The following NAV2 variants were observed in gnomAD, a reference collection of about 807,000 sequenced individuals.
NAV2 encodes helicase, APC down-regulated 1.
NAV2 carries 54 observed loss-of-function variants against 223.2 expected under a neutral mutation model. That is an observed-to-expected ratio of 0.24 (90% CI 0.19 to 0.30). NAV2 has a LOEUF of 0.30. NAV2 is among the 10% of genes least tolerant of loss of function. The pLI is 1.00. For synonymous variants in NAV2, 1,279 were observed against 1,239.3 expected, an observed-to-expected ratio of 1.03 and a Z score of -0.67; for missense variants, 2,806 against 3,147.5, an observed-to-expected ratio of 0.89 and a Z score of 2.60.
intron 1 of NAV2, among the ~76,000 whole-genome samples, chr11:19,393,912 T>TTTTC (rs1849347311): frequency 6.6e-6 from 1 of 150,712 alleles, no homozygotes; most frequent in Non-Finnish European, 1.5e-5. Context: ...TTTTCTTTTT[T>TTTTC]TTTTTTTAGG....
intron 1 of NAV2, among the ~76,000 whole-genome samples, chr11:19,450,187 T>C (rs931050074): frequency 6.6e-6 from 1 of 152,126 alleles, no homozygotes; most frequent in Non-Finnish European, 1.5e-5. Context: ...TACACATGGA[T>C]TTTTAAAACC....
intron 11 of NAV2, among the ~76,000 whole-genome samples, chr11:20,002,439 A>C (rs1436197681): frequency 6.6e-6 from 1 of 152,102 alleles, no homozygotes; most frequent in East Asian, 1.9e-4. Flanking sequence ...AGTCAGGGAG[A>C]TGTCAGTGCG....
intron 1 of NAV2, among the ~76,000 whole-genome samples, chr11:19,439,320 G>A (rs1321613742): frequency 6.6e-6 from 1 of 152,118 alleles, no homozygotes; most frequent in Non-Finnish European, 1.5e-5. Context: ...AGGGTAGGAG[G>A]AGAGAGAGGA....
chr11:19,496,603 A>G (rs941116283), intron 1 of NAV2, among the ~76,000 whole-genome samples: 3 of 152,198 alleles, frequency 2.0e-5, no homozygotes, highest in African/African-American at 7.2e-5. Context: ...CTAGCCTCCA[A>G]AGTCACACTA....
At chr11:19,872,743 G>T (rs551044982) in intron 4 of NAV2, among the ~76,000 whole-genome samples, 1 of 152,348 alleles carries the variant, frequency 6.6e-6, no homozygotes, top group Non-Finnish European at 1.5e-5. Context: ...AGAGCCACAG[G>T]GAGCCTTTGT....
At chr11:19,929,560 A>G (rs144876917) in intron 6 of NAV2, among the ~76,000 whole-genome samples, 7 of 152,294 alleles carry the variant, frequency 4.6e-5, no homozygotes, top group Admixed American at 6.5e-5. Context: ...AGTCGTAATG[A>G]GTAGCCTTGA....
At chr11:19,822,962 C>G (rs11025274) in intron 1 of NAV2, among the ~76,000 whole-genome samples, 69,024 of 151,920 alleles carry the variant, frequency 0.45, 16,674 homozygotes, top group Admixed American at 0.56. Context: ...AGCTCAAAGG[C>G]GTGTCACAAA....
rs150080881 is a variant in NAV2 at position 20,022,063 on chromosome 11, C to G, written c.2769-13896C>G. Among the ~76,000 whole-genome samples the G allele has an allele frequency of 5.2e-3, 791 of 152,278 alleles. 3 individuals carry two copies. Among genetic ancestry groups the G allele is most frequent in the African/African-American group, 0.018 (762 of 41,548 alleles). On this transcript the variant is annotated intron_variant, in intron 11 of 37. Transcript: ENST00000349880. ...GAGGCCACCCTGGCCAGGGGGAGAG[C>G]CTTTCTTGGGGAAAGTCTTTGAAAG... is the stretch of plus-strand genomic sequence containing the variant.
At chr11:19,418,758 C>T (rs1850485864) in intron 1 of NAV2, among the ~76,000 whole-genome samples, 1 of 152,128 alleles carries the variant, frequency 6.6e-6, no homozygotes, top group African/African-American at 2.4e-5. Context: ...TCGTCCAAAG[C>T]CATTGAAGGG....
At chr11:19,866,086 C>A (rs552744357) in intron 3 of NAV2, among the ~76,000 whole-genome samples, 1 of 152,244 alleles carries the variant, frequency 6.6e-6, no homozygotes, top group East Asian at 1.9e-4. Flanking sequence ...AAACCAACAC[C>A]ATCCAAAGAA....
intron 1 of NAV2, among the ~76,000 whole-genome samples, chr11:19,695,214 G>A (rs191349536): frequency 3.7e-4 from 57 of 152,292 alleles, no homozygotes; most frequent in Admixed American, 2.4e-3. Context: ...GAGTTGAGTC[G>A]GCACTCTCCG....
chr11:19,392,149 G>A (rs1422754585), intron 1 of NAV2, among the ~76,000 whole-genome samples: 3 of 152,164 alleles, frequency 2.0e-5, no homozygotes, highest in African/African-American at 7.2e-5. Context: ...GGAATAGTGG[G>A]TATGGGCATA....
chr11:19,434,914 A>G (rs933319274), intron 1 of NAV2, among the ~76,000 whole-genome samples: 1 of 146,570 alleles, frequency 6.8e-6, no homozygotes, highest in Non-Finnish European at 1.5e-5. Flanking sequence ...TTCTCAAAAT[A>G]TGTCTCAACT....
At chr11:20,044,345 G>C in intron 13 of NAV2, 73 bp downstream of exon 13, 1 of 1,329,234 alleles carries the variant, frequency 7.5e-7, no homozygotes, top group Non-Finnish European at 1.0e-6. Context: ...CTCTAGCAAG[G>C]ACTTGACATT....
chr11:19,646,399 G>A (rs1408087836), intron 1 of NAV2, among the ~76,000 whole-genome samples: 1 of 152,214 alleles, frequency 6.6e-6, no homozygotes, highest in Non-Finnish European at 1.5e-5. Flanking sequence ...CATCAGGCCT[G>A]TTTGAAATGG....
In NAV2 at chr11:20,082,906, A is replaced by G. The variant is rs190114024; in HGVS notation, c.5326-101A>G. Reference sequence around the variant, plus strand: ...ACCTCTTCCATTGGTGGGGGGAAAAACATGGGAGAATTAATCGCTTTTTTG... The same window carrying G: ...ACCTCTTCCATTGGTGGGGGGAAAAGCATGGGAGAATTAATCGCTTTTTTG... On this transcript the variant is annotated intron_variant, in intron 25 of 37. Coordinates refer to ENST00000349880, the MANE Select transcript of NAV2 (RefSeq NM_145117.5). 6 of 1,149,466 alleles carry G rather than the reference A, an allele frequency of 5.2e-6. No homozygotes were observed. The African/African-American group carries it at 7.8e-5, about 15-fold the overall frequency. 71.2% of individuals were successfully genotyped at this position (1,149,466 alleles called of 1,614,324 possible).
chr11:19,523,012 C>A (rs1013121377), intron 1 of NAV2, among the ~76,000 whole-genome samples: 10 of 152,226 alleles, frequency 6.6e-5, no homozygotes, highest in Non-Finnish European at 1.5e-4. Flanking sequence ...CCTAAGCACT[C>A]GACTCATTAT....
At chr11:19,583,769 T>G (rs994159495) in intron 1 of NAV2, among the ~76,000 whole-genome samples, 6 of 152,220 alleles carry the variant, frequency 3.9e-5, no homozygotes, top group African/African-American at 1.4e-4. Context: ...TGCTGCTGGA[T>G]TCGGTTTGCC....
chr11:19,756,404 C>T (rs1190939765), intron 1 of NAV2, among the ~76,000 whole-genome samples: 1 of 152,128 alleles, frequency 6.6e-6, no homozygotes, highest in African/African-American at 2.4e-5. Flanking sequence ...TTATTCAGAC[C>T]AGTACAGGAC....
Sources: gnomAD v4.1 joint callset for allele counts (sites outside exome capture counted in the v4.1 genomes callset) on GRCh38, gnomAD v4.1.1 for gene constraint, MANE v1.5 for transcripts, NCBI Gene and HGNC (gene_info 2026-07-23, HGNC 2026-07-21) for gene names.